The following USP14 variants were observed in gnomAD, a reference collection of about 807,000 sequenced individuals.
The protein encoded by USP14 is ubiquitin specific peptidase 14.
In USP14, 38 loss-of-function variants were observed where a neutral mutation model predicts 76.5. That is an observed-to-expected ratio of 0.50 (90% CI 0.38 to 0.65). The LOEUF is 0.65. Among genes scored for constraint, USP14 ranks in the 30% least tolerant of loss-of-function variants. The pLI, the probability that USP14 is intolerant of heterozygous loss-of-function variation, is 0.00. For synonymous variants in USP14, 192 were observed against 191.7 expected (o/e 1.00, Z -0.01); for missense variants, 467 against 586.5 (o/e 0.80, Z 2.10).
intron 5 of USP14, among the ~76,000 whole-genome samples, chr18:188,122 A>G (rs946170265): frequency 1.7e-4 from 26 of 152,058 alleles, no homozygotes; most frequent in African/African-American, 6.3e-4. Context: ...TTTTAGGGTT[A>G]AATATTGATC....
At position 172,526 on chromosome 18, in the gene USP14, C is replaced by T. The variant is rs113666360; in HGVS notation, c.195+5707C>T. The stretch of plus-strand genomic sequence containing the variant: ...TGGATAAAATGCTATTAAACAGCAC[C>T]GCAAGCTACAGAGAACTCTTTCATG... On this transcript the variant is annotated intron_variant, in intron 3 of 15. Transcript: ENST00000261601. Among the ~76,000 whole-genome samples the T allele has an allele frequency of 3.1e-3, 479 of 152,230 alleles. 3 individuals are homozygous for T. The highest frequency in any genetic ancestry group is 3.5e-3 in the African/African-American group (144 of 41,544).
chr18:210,823 G>T (rs1322242309), intron 15 of USP14, among the ~76,000 whole-genome samples: 1 of 152,204 alleles, frequency 6.6e-6, no homozygotes. Flanking sequence ...GGGTTCTCCT[G>T]TTAGTGTTCG....
At chr18:171,025 A>AAAAATAT (rs1327304974) in intron 3 of USP14, among the ~76,000 whole-genome samples, 19 of 47,642 alleles carry the variant, frequency 4.0e-4, no homozygotes, top group African/African-American at 1.5e-3. Flanking sequence ...AAAAAAAAAA[A>AAAAATAT]ATATATATAT....
intron 3 of USP14, among the ~76,000 whole-genome samples, chr18:171,796 A>G (rs889889084): frequency 7.9e-5 from 12 of 152,228 alleles, no homozygotes; most frequent in South Asian, 4.1e-4. Flanking sequence ...TCTTGATACC[A>G]TTAGGAGCAT....
chr18:202,745 G>C lies in USP14; in HGVS notation c.877-135G>C, dbSNP rs1427454048. The C allele has an allele frequency of 4.1e-6, 3 of 726,118 alleles. No individual in the cohort carries two copies. In the African/African-American group the frequency reaches 5.3e-5, roughly 13 times the overall value. 45.0% of individuals were successfully genotyped at this position (726,118 alleles called of 1,614,324 possible). On this transcript the variant is annotated intron_variant, in intron 10 of 15. Transcript: ENST00000261601. ...ATTGTCATCAAATTGTGTCTCAGTG[G>C]TATAAACCCATTGATGTACTGTATA...
At chr18:183,055 T>C (rs1472862009) in intron 5 of USP14, among the ~76,000 whole-genome samples, 3 of 152,194 alleles carry the variant, frequency 2.0e-5, no homozygotes, top group Non-Finnish European at 4.4e-5. Context: ...TCTTCAACAG[T>C]TTTTATTTTA....
chr18:194,165 T>C (rs1442805428), intron 6 of USP14, among the ~76,000 whole-genome samples: 2 of 152,200 alleles, frequency 1.3e-5, no homozygotes, highest in Non-Finnish European at 2.9e-5. Flanking sequence ...CAACCATTGA[T>C]TTTTGATATT....
chr18:201,021 T>G (rs28699057), intron 10 of USP14, among the ~76,000 whole-genome samples: 2,140 of 152,260 alleles, frequency 0.014, 46 homozygotes, highest in African/African-American at 0.049. Flanking sequence ...CTGGATGGTC[T>G]CAATCTCCTG....
intron 3 of USP14, among the ~76,000 whole-genome samples, chr18:178,310 C>T (rs1909686629): frequency 6.6e-6 from 1 of 152,136 alleles, no homozygotes; most frequent in Non-Finnish European, 1.5e-5. Flanking sequence ...GCCACCATGC[C>T]TGGTCTGAAT....
chr18:171,514 C>G (rs751760709), intron 3 of USP14, among the ~76,000 whole-genome samples: 19 of 152,110 alleles, frequency 1.2e-4, no homozygotes, highest in Non-Finnish European at 2.4e-4. Context: ...TTAAGGCCAC[C>G]ATTGAGACTT....
In USP14 at chr18:167,290, A is replaced by T. The variant is rs139518441; in HGVS notation, c.195+471A>T. Reference sequence around the variant, plus strand: ...AGCGAGACTCCGTCTCCAAAAAAAGAGTCTTGAAATAAGATAGTATATGTT... The same window carrying T: ...AGCGAGACTCCGTCTCCAAAAAAAGTGTCTTGAAATAAGATAGTATATGTT... On this transcript the variant is annotated intron_variant, in intron 3 of 15. Coordinates refer to ENST00000261601, the MANE Select transcript of USP14 (RefSeq NM_005151.4). Among the ~76,000 whole-genome samples, 573 of 152,292 alleles carry T rather than the reference A, an allele frequency of 3.8e-3. 1 individual carries two copies. Among genetic ancestry groups the T allele is most frequent in the African/African-American group, 0.013 (536 of 41,566 alleles).
chr18:171,017 AAAAAAAAAATATATATATAT>A (rs1909430069), intron 3 of USP14, among the ~76,000 whole-genome samples: 1 of 74,030 alleles, frequency 1.4e-5, no homozygotes, highest in African/African-American at 5.9e-5. Context: ...CTTAAAAAAA[AAAAAAAAAATATATATATAT>A]ATATATATAT....
intron 3 of USP14, among the ~76,000 whole-genome samples, chr18:171,025 A>AAAAAAATATATATATATATATATATAT (rs1327304974): frequency 4.2e-5 from 2 of 47,682 alleles, no homozygotes; most frequent in African/African-American, 1.7e-4. Flanking sequence ...AAAAAAAAAA[A>AAAAAAATATATATATATATATATATAT]ATATATATAT....
intron 2 of USP14, 146 bp from the exon 3 acceptor site, chr18:166,640 AT>A: frequency 2.0e-6 from 2 of 998,994 alleles, no homozygotes; most frequent in Non-Finnish European, 1.4e-6. Context: ...GCCAAAAAAA[AT>A]TTTTTTAATT....
rs994074508 is a variant in USP14, at chr18:211,166, G to C, written c.1367G>C (p.Ser456Thr). The change falls in exon 16 of 16, where the codon AGC (serine) becomes ACC (threonine). Residue 456 changes from serine to threonine, a missense_variant. By Grantham distance (58) the Ser-to-Thr change is moderately conservative. Coordinates refer to ENST00000261601, the MANE Select transcript of USP14 (RefSeq NM_005151.4). ...ATTAAGTTTGATGATGACAAAGTCA[G>C]CATCGTAACACCAGAAGATATCTTA... ...EWIKFDDDKV[S>T]IVTPEDILRL... 4 of 1,613,924 alleles carry C rather than the reference G, an allele frequency of 2.5e-6. No individual in the cohort carries two copies. The Admixed American group carries it at 6.7e-5, about 27-fold the overall frequency.
chr18:166,452 C>T (rs1214478585), intron 2 of USP14, among the ~76,000 whole-genome samples: 1 of 152,042 alleles, frequency 6.6e-6, no homozygotes, highest in African/African-American at 2.4e-5. Flanking sequence ...CTTGTCTCAG[C>T]CTCCCGAGTA....
chr18:182,493 A>G (rs1909813018), intron 5 of USP14, among the ~76,000 whole-genome samples: 1 of 152,222 alleles, frequency 6.6e-6, no homozygotes, highest in African/African-American at 2.4e-5. Context: ...CTCTGAAGCG[A>G]ATAGTTGTCA....
chr18:207,366 T>A (rs2143097966), intron 13 of USP14, among the ~76,000 whole-genome samples: 1 of 145,094 alleles, frequency 6.9e-6, no homozygotes, highest in Non-Finnish European at 1.6e-5. Context: ...TTGACGGGGA[T>A]TACACGGAAT....
rs1313051700 is a variant in USP14 at position 211,345 on chromosome 18, T to C, written c.*61T>C. 3.9e-6 allele frequency: 6 copies of C among 1,539,332 alleles called. No homozygotes were observed. The highest frequency in any genetic ancestry group is 5.3e-6 in the Non-Finnish European group (6 of 1,133,436). On this transcript the variant is annotated 3_prime_UTR_variant, in exon 16 of 16. Coordinates refer to ENST00000261601, the MANE Select transcript of USP14 (RefSeq NM_005151.4). ...AAATGTTATTTGTTGATCATTTCTA[T>C]AATCCAGAGCTTTAGAGGAAGACAC...
Sources: allele counts gnomAD v4.1 joint callset (sites outside exome capture counted in the v4.1 genomes callset), GRCh38; gene constraint gnomAD v4.1.1; transcripts MANE v1.5; gene names NCBI Gene and HGNC (gene_info 2026-07-23, HGNC 2026-07-21).